The following MAGI2 variants were observed in gnomAD, a reference collection of about 807,000 sequenced individuals.
The protein encoded by MAGI2 is membrane-associated guanylate kinase, WW and PDZ domain-containing protein 2.
Under a neutral mutation model 133.3 loss-of-function variants are expected in MAGI2, and 35 were observed. That is an observed-to-expected ratio of 0.26 (90% CI 0.20 to 0.35). The LOEUF (loss-of-function observed/expected upper bound fraction) is 0.35. MAGI2 is among the 10% of genes least tolerant of loss of function. The probability of loss-of-function intolerance (pLI) is 1.00; values close to 1 mark genes in which losing one functional copy is unlikely to be tolerated. For synonymous variants in MAGI2, 729 were observed against 710.6 expected, an observed-to-expected ratio of 1.03 and a Z score of -0.41; for missense variants, 1,636 against 1,863.4, an observed-to-expected ratio of 0.88 and a Z score of 2.25.
intron 1 of MAGI2, among the ~76,000 whole-genome samples, chr7:79,298,475 CT>C (rs1837123076): frequency 6.6e-6 from 1 of 152,102 alleles, no homozygotes; most frequent in African/African-American, 2.4e-5. Flanking sequence ...ACAAAAAAAC[CT>C]GCCAGTGTTC....
At chr7:79,014,437 A>G (rs565876516) in intron 1 of MAGI2, among the ~76,000 whole-genome samples, 2 of 152,268 alleles carry the variant, frequency 1.3e-5, no homozygotes, top group Non-Finnish European at 2.9e-5. Context: ...AAGTATATCA[A>G]AATTTTTAAT....
intron 10 of MAGI2, among the ~76,000 whole-genome samples, chr7:78,246,480 C>G (rs910168439): frequency 6.6e-6 from 1 of 152,122 alleles, no homozygotes; most frequent in Non-Finnish European, 1.5e-5. Flanking sequence ...CTGAGACACC[C>G]TGGCCCGCAC....
intron 3 of MAGI2, among the ~76,000 whole-genome samples, chr7:78,555,438 C>T (rs1799739511): frequency 6.6e-6 from 1 of 151,778 alleles, no homozygotes; most frequent in Admixed American, 6.6e-5. Flanking sequence ...GATATATGGA[C>T]ACATATAAAA....
chr7:78,302,834 A>T (rs769204883), intron 9 of MAGI2, among the ~76,000 whole-genome samples: 1 of 152,204 alleles, frequency 6.6e-6, no homozygotes, highest in African/African-American at 2.4e-5. Flanking sequence ...TGGCAACGTC[A>T]TTACACAGTT....
At chr7:78,877,032 AT>A (rs1300290787) in intron 2 of MAGI2, among the ~76,000 whole-genome samples, 1 of 152,240 alleles carries the variant, frequency 6.6e-6, no homozygotes, top group African/African-American at 2.4e-5. Context: ...TCATATCTCC[AT>A]CTTTGACTGT....
chr7:79,140,869 G>A (rs1485234291), intron 1 of MAGI2, among the ~76,000 whole-genome samples: 6 of 152,042 alleles, frequency 3.9e-5, no homozygotes, highest in Non-Finnish European at 7.4e-5. Context: ...AATGTAAATT[G>A]TTTCCTTTAT....
chr7:78,235,781 C>T (rs1318082361), intron 10 of MAGI2, among the ~76,000 whole-genome samples: 1 of 151,996 alleles, frequency 6.6e-6, no homozygotes, highest in African/African-American at 2.4e-5. Context: ...TTCTGGATCC[C>T]CCAACTCATA....
chr7:78,663,771 A>G (rs1237083656), intron 2 of MAGI2, among the ~76,000 whole-genome samples: 1 of 152,216 alleles, frequency 6.6e-6, no homozygotes, highest in African/African-American at 2.4e-5. Context: ...GCCTTAATGC[A>G]TAACATGTTG....
intron 9 of MAGI2, among the ~76,000 whole-genome samples, chr7:78,322,467 C>T (rs758323357): frequency 2.6e-5 from 4 of 152,044 alleles, no homozygotes; most frequent in Non-Finnish European, 5.9e-5. Flanking sequence ...GCAGAGACTT[C>T]GACGAAGCTG....
chr7:78,182,714 C>T (rs984272300), intron 13 of MAGI2, among the ~76,000 whole-genome samples: 4 of 152,126 alleles, frequency 2.6e-5, no homozygotes, highest in African/African-American at 9.7e-5. Context: ...ATTTCAGTGC[C>T]TTATTTGATA....
intron 2 of MAGI2, among the ~76,000 whole-genome samples, chr7:79,005,192 T>C (rs1807314384): frequency 6.6e-6 from 1 of 152,218 alleles, no homozygotes; most frequent in Non-Finnish European, 1.5e-5. Context: ...TGTATTTTTG[T>C]TCACTTTTTT....
chr7:79,063,242 T>C (rs558590738), intron 1 of MAGI2, among the ~76,000 whole-genome samples: 20 of 152,128 alleles, frequency 1.3e-4, no homozygotes, highest in Non-Finnish European at 1.6e-4. Context: ...ACTGGGTTTA[T>C]GATTCCTTCG....
At chr7:78,489,422 A>C (rs1793379935) in intron 6 of MAGI2, among the ~76,000 whole-genome samples, 1 of 152,054 alleles carries the variant, frequency 6.6e-6, no homozygotes, top group Non-Finnish European at 1.5e-5. Context: ...TCTCTTATGC[A>C]TCATATCTGA....
chr7:79,009,955 A>G (rs891069459), intron 1 of MAGI2, among the ~76,000 whole-genome samples: 3 of 152,024 alleles, frequency 2.0e-5, no homozygotes, highest in Admixed American at 6.6e-5. Context: ...AAAAGTAAAC[A>G]CTCATTAAAA....
At chr7:79,286,247 A>C (rs1291128032) in intron 1 of MAGI2, among the ~76,000 whole-genome samples, 1 of 152,188 alleles carries the variant, frequency 6.6e-6, no homozygotes, top group African/African-American at 2.4e-5. Flanking sequence ...TAATAAATAT[A>C]AAGTCTTTAG....
chr7:78,926,829 GT>G (rs369720946), intron 2 of MAGI2, among the ~76,000 whole-genome samples: 1,723 of 146,280 alleles, frequency 0.012, 26 homozygotes, highest in African/African-American at 0.04. Flanking sequence ...TGGGGAAAAG[GT>G]TTTTTTTTTT....
chr7:78,624,989 C>T (rs2150949627), intron 3 of MAGI2, among the ~76,000 whole-genome samples: 1 of 152,178 alleles, frequency 6.6e-6, no homozygotes, highest in Non-Finnish European at 1.5e-5. Flanking sequence ...GCTTTGTTAT[C>T]ATAGGAGATG....
At chr7:78,557,063 C>G (rs1202102739) in intron 3 of MAGI2, among the ~76,000 whole-genome samples, 1 of 109,800 alleles carries the variant, frequency 9.1e-6, no homozygotes, top group East Asian at 2.3e-4. Context: ...TATACTCCAG[C>G]CTGGGTGGCA....
intron 2 of MAGI2, among the ~76,000 whole-genome samples, chr7:78,915,049 G>A (rs1048163723): frequency 1.3e-5 from 2 of 152,128 alleles, no homozygotes; most frequent in Non-Finnish European, 2.9e-5. Flanking sequence ...AGCCATAGCT[G>A]GAGGAGTAGG....
Sources: allele counts gnomAD v4.1 joint callset (sites outside exome capture counted in the v4.1 genomes callset), GRCh38; gene constraint gnomAD v4.1.1; transcripts MANE v1.5; gene names NCBI Gene and HGNC (gene_info 2026-07-23, HGNC 2026-07-21).